ATAD2: variants seen among roughly 807,000 people sequenced by gnomAD.
The protein encoded by ATAD2 is ATPase family AAA domain containing 2.
Under a neutral mutation model 168.9 loss-of-function variants are expected in ATAD2, and 62 were observed. The observed-to-expected ratio is 0.37, with a 90% CI of 0.30 to 0.45. The LOEUF is 0.45. Ranked by LOEUF, ATAD2 falls within the 20% of genes least tolerant of loss-of-function variation. ATAD2 has a pLI of 1.00. For missense variants in ATAD2, 1,419 were observed against 1,667.8 expected (o/e 0.85, Z 2.60); for synonymous variants, 613 against 571.6 (o/e 1.07, Z -1.03).
At chr8:123,376,414 A>C (rs1210340988) in intron 2 of ATAD2, among the ~76,000 whole-genome samples, 1 of 149,998 alleles carries the variant, frequency 6.7e-6, no homozygotes, top group Non-Finnish European at 1.5e-5. Context: ...CTAAAAAAAA[A>C]AGCTGGGCAT....
At position 123,351,646 on chromosome 8, in the gene ATAD2, G is replaced by C. The variant is rs186812797; in HGVS notation, c.1647-2202C>G. 3.9e-5 allele frequency among the ~76,000 whole-genome samples: 6 copies of C among 152,114 alleles called. No individual in the cohort carries two copies. The East Asian group carries it at 1.2e-3, about 29-fold the overall frequency. The stretch of plus-strand genomic sequence containing the variant: ...CATGGCCTGTATAGGACAGGAAGAA[G>C]AAATGTTTGATTCTTTCCCTCTTAT... On this transcript the variant is annotated intron_variant, in intron 13 of 27. Coordinates refer to ENST00000287394, the MANE Select transcript of ATAD2 (RefSeq NM_014109.4).
chr8:123,364,399 G>A (rs1259606515), intron 8 of ATAD2, among the ~76,000 whole-genome samples: 1 of 152,120 alleles, frequency 6.6e-6, no homozygotes, highest in Non-Finnish European at 1.5e-5. Flanking sequence ...GGTAGAGAAA[G>A]AGGGAATCCT....
upstream of ATAD2, chr8:123,401,177 T>A: frequency 1.0e-6 from 1 of 980,434 alleles, no homozygotes. Flanking sequence ...AATGAGATCC[T>A]GCAGCAAAGC....
At position 123,339,428 on chromosome 8, in the gene ATAD2, G is replaced by T; in HGVS notation, c.2737C>A (p.Arg913Ser). ...LPEEVQELFI[R>S]DYGEIFNVQL... ...ACATTAAAAATCTCTCCATAATCACGGATAAACAATTCTTGCACCTTAAAA... is the reference window on the plus strand; with the variant it reads ...ACATTAAAAATCTCTCCATAATCACTGATAAACAATTCTTGCACCTTAAAA... The change falls in exon 20 of 28, where the codon CGT (arginine) becomes AGT (serine). Residue 913 changes from arginine to serine, a missense_variant. This residue lies in a region of ATAD2 where 545 missense variants were observed against 724.9 expected (regional missense o/e 0.75). Coordinates refer to ENST00000287394, the MANE Select transcript of ATAD2 (RefSeq NM_014109.4). The T allele has an allele frequency of 6.3e-7, 1 of 1,590,278 alleles. No individual in the cohort carries two copies. The highest frequency in any genetic ancestry group is 8.5e-7 in the Non-Finnish European group (1 of 1,169,722).
intron 2 of ATAD2, among the ~76,000 whole-genome samples, chr8:123,375,300 A>G (rs1829272944): frequency 6.6e-6 from 1 of 152,220 alleles, no homozygotes; most frequent in Admixed American, 6.5e-5. Context: ...ATTATTAGCC[A>G]TCAGGGAAAG....
Position 123,359,333 on chromosome 8 carries a change from G to C in ATAD2, c.1270C>G (p.Arg424Gly). ...GACAGGCCACCAACACTATCAAATC[G>C]TACCTGGTAATGGAAGCGAACATGT... is the stretch of plus-strand genomic sequence containing the variant. Reference protein sequence around the residue: ...VDPMQLDSSVRFDSVGGLSNH... With the variant: ...VDPMQLDSSVGFDSVGGLSNH... Residue 424 changes from arginine to glycine, a missense_variant, in exon 11 of 28, where the codon CGA (arginine) becomes GGA (glycine). Arg to Gly is a moderately radical substitution (Grantham distance 125, BLOSUM62 -2). This residue lies in a region of ATAD2 where 146 missense variants were observed against 188.3 expected (regional missense o/e 0.78). Coordinates refer to ENST00000287394, the MANE Select transcript of ATAD2 (RefSeq NM_014109.4). The C allele has an allele frequency of 6.3e-7, 1 of 1,596,272 alleles. No homozygotes were observed. Among genetic ancestry groups the C allele is most frequent in the Middle Eastern group, 1.7e-4 (1 of 6,002 alleles).
At chr8:123,329,913 G>A (rs1827729096) in intron 24 of ATAD2, among the ~76,000 whole-genome samples, 1 of 151,094 alleles carries the variant, frequency 6.6e-6, no homozygotes, top group African/African-American at 2.4e-5. Flanking sequence ...CTGGAAAGAA[G>A]TGGTAAAACT....
intron 2 of ATAD2, among the ~76,000 whole-genome samples, chr8:123,377,283 GAATT>G (rs1052902209): frequency 2.6e-5 from 4 of 151,460 alleles, no homozygotes; most frequent in African/African-American, 9.7e-5. Flanking sequence ...AAGAAAAAAA[GAATT>G]AATAAAAAGG....
In ATAD2 at chr8:123,328,546, T is replaced by C. The variant is rs1827679956; in HGVS notation, c.3512A>G (p.Asn1171Ser). The change falls in exon 25 of 28, where the codon AAC becomes AGC. Residue 1171 changes from asparagine (N) to serine (S), a missense_variant. Coordinates refer to ENST00000287394, the MANE Select transcript of ATAD2 (RefSeq NM_014109.4). The part of the protein sequence containing the change: ...QLKRKIRKKS[N>S]WYLGTIKKRR... ...CTTTTTTATGGTGCCTAAGTACCAG[T>C]TTGACTTTTTGCGAATTTTCCTCTT... 1 of 1,546,148 alleles carries C rather than the reference T, an allele frequency of 6.5e-7. No homozygotes were observed. The highest frequency in any genetic ancestry group is 8.7e-7 in the Non-Finnish European group (1 of 1,147,850).
upstream of ATAD2, chr8:123,401,037 G>A (rs1034792698): frequency 2.0e-5 from 31 of 1,569,504 alleles, no homozygotes; most frequent in East Asian, 6.7e-5. Flanking sequence ...GCAGCAAGCC[G>A]GTGGGCATCG....
intron 3 of ATAD2, 94 bp from the exon 4 acceptor site, chr8:123,371,929 T>C (rs1371508997): frequency 3.3e-6 from 4 of 1,219,206 alleles, no homozygotes; most frequent in South Asian, 1.9e-5. Flanking sequence ...AGCTATACTT[T>C]CATGTAACAA....
At chr8:123,396,122 A>G in intron 1 of ATAD2, 65 bp downstream of exon 1, 1 of 1,471,692 alleles carries the variant, frequency 6.8e-7, no homozygotes, top group Non-Finnish European at 8.9e-7. Flanking sequence ...GGCCCCTCCG[A>G]GCGCCGGGCT....
At position 123,334,326 on chromosome 8, in the gene ATAD2, T is replaced by C. The variant is rs776159086; in HGVS notation, c.3212-4A>G. On this transcript the variant is annotated splice_region_variant and splice_polypyrimidine_tract_variant and intron_variant, in intron 22 of 27. Coordinates refer to ENST00000287394, the MANE Select transcript of ATAD2 (RefSeq NM_014109.4). ...GCTCTATGCCTAATAAGACGATCTA[T>C]GAAGTGAGTAAAAAATGTAATTTTT... 9 of 1,511,604 alleles carry C rather than the reference T, an allele frequency of 6.0e-6. No individual in the cohort carries two copies. Among genetic ancestry groups the C allele is most frequent in the South Asian group, 5.5e-5 (4 of 72,866 alleles). 93.6% of individuals were successfully genotyped at this position (1,511,604 alleles called of 1,614,324 possible).
intron 13 of ATAD2, among the ~76,000 whole-genome samples, chr8:123,353,782 C>T (rs575754556): frequency 3.8e-4 from 57 of 151,666 alleles, no homozygotes; most frequent in African/African-American, 4.8e-4. Context: ...CAAAACAAAA[C>T]AAAACAAAAA....
intron 1 of ATAD2, among the ~76,000 whole-genome samples, chr8:123,393,109 C>T (rs1296571136): frequency 2.0e-5 from 3 of 149,498 alleles, no homozygotes; most frequent in Admixed American, 1.3e-4. Context: ...GGCGTGAACC[C>T]GGGAGGTGGA....
intron 24 of ATAD2, among the ~76,000 whole-genome samples, chr8:123,329,782 A>C (rs1283336442): frequency 4.5e-5 from 5 of 110,228 alleles, no homozygotes; most frequent in Admixed American, 2.1e-4. Flanking sequence ...AAAATTTTTC[A>C]CTTTAACCCA....
At chr8:123,397,240 CAAAAAAAAAAA>C (rs71310670), upstream of ATAD2, among the ~76,000 whole-genome samples, 4 of 40,036 alleles carry the variant, frequency 1.0e-4, no homozygotes, top group African/African-American at 1.9e-4. Flanking sequence ...GACTCTGTCT[CAAAAAAAAAAA>C]AAAAAAAAAA....
chr8:123,402,935 T>C lies in ATAD2; in HGVS notation c.-2281-1760A>G, dbSNP rs1206432157. On this transcript the variant is annotated intron_variant, in intron 1 of 28. Coordinates refer to the ATAD2 transcript ENST00000521903. The surrounding 1 kb of genome is among the most constrained non-coding windows in gnomAD (Gnocchi z 4.8). ...TAAGGCCTGGAAACTTGGATTTCTT[T>C]CAGGAAGTCTCCTGGTGATTCTTAT... Among the ~76,000 whole-genome samples the C allele has an allele frequency of 1.3e-5, 2 of 152,194 alleles. No homozygotes were observed. Among genetic ancestry groups the C allele is most frequent in the Non-Finnish European group, 2.9e-5 (2 of 68,042 alleles).
Position 123,371,371 on chromosome 8 carries a change from T to C in ATAD2, c.537-33A>G, listed in dbSNP as rs929762143. ...AAAAAGATATAAATGTAAGTGAAAATTGTAAAAGAGTAGCAGAATTTTAAA... is the reference window on the plus strand; with the variant it reads ...AAAAAGATATAAATGTAAGTGAAAACTGTAAAAGAGTAGCAGAATTTTAAA... On this transcript the variant is annotated intron_variant, in intron 4 of 27. Coordinates refer to ENST00000287394, the MANE Select transcript of ATAD2 (RefSeq NM_014109.4). 6 of 1,525,838 alleles carry C rather than the reference T, an allele frequency of 3.9e-6. No homozygotes were observed. In the African/African-American group the frequency reaches 4.2e-5, roughly 11 times the overall value. 94.5% of individuals were successfully genotyped at this position (1,525,838 alleles called of 1,614,324 possible). A position where few individuals can be genotyped will look rare whatever the true frequency, so the allele number is the denominator to read the frequency against.
Sources: gnomAD v4.1 joint callset for allele counts (sites outside exome capture counted in the v4.1 genomes callset) on GRCh38, gnomAD v4.1.1 for gene constraint, gnomAD v4.1.1 regional missense constraint, Gnocchi (gnomAD v3.1) non-coding constraint, MANE v1.5 for transcripts, NCBI Gene and HGNC (gene_info 2026-07-23, HGNC 2026-07-21) for gene names.